The following DLG2 variants were observed in gnomAD, a reference collection of about 807,000 sequenced individuals.
The protein encoded by DLG2 is discs large MAGUK scaffold protein 2, also known as disks large homolog 2.
In DLG2, 45 loss-of-function variants were observed where a neutral mutation model predicts 132.5. The observed-to-expected ratio is 0.34, with a 90% CI of 0.27 to 0.44. DLG2 has a LOEUF of 0.44. Ranked by LOEUF, DLG2 falls within the 20% of genes least tolerant of loss-of-function variation. DLG2 has a pLI of 1.00. For missense variants in DLG2, 1,045 were observed against 1,196.9 expected (o/e 0.87, Z 1.87); for synonymous variants, 424 against 419.6 (o/e 1.01, Z -0.13).
intron 6 of DLG2, among the ~76,000 whole-genome samples, chr11:84,940,276 G>A (rs556707842): frequency 6.6e-6 from 1 of 152,096 alleles, no homozygotes; most frequent in Non-Finnish European, 1.5e-5. Flanking sequence ...TCAGCCTCCT[G>A]AGTAGCTGGG....
chr11:85,084,142 A>G (rs2067597406), intron 6 of DLG2, among the ~76,000 whole-genome samples: 1 of 152,218 alleles, frequency 6.6e-6, no homozygotes, highest in Non-Finnish European at 1.5e-5. Flanking sequence ...TTTTTAAAAT[A>G]AAAGATATTC....
intron 6 of DLG2, among the ~76,000 whole-genome samples, chr11:84,541,016 G>A (rs1180255900): frequency 2.0e-5 from 3 of 152,050 alleles, no homozygotes; most frequent in Non-Finnish European, 4.4e-5. Flanking sequence ...ACAGGGTGGG[G>A]AACATCACAC....
At chr11:84,879,630 T>C (rs984132979) in intron 6 of DLG2, among the ~76,000 whole-genome samples, 2 of 152,052 alleles carry the variant, frequency 1.3e-5, no homozygotes, top group African/African-American at 2.4e-5. Context: ...TGGAGGTCTG[T>C]TGGTATGAAG....
At chr11:84,215,915 G>C (rs530806183) in intron 8 of DLG2, among the ~76,000 whole-genome samples, 4 of 152,112 alleles carry the variant, frequency 2.6e-5, no homozygotes, top group African/African-American at 9.7e-5. Flanking sequence ...CAGAAGTAGT[G>C]GTTTTGGAAA....
chr11:85,198,850 G>A (rs1201292636), intron 4 of DLG2, among the ~76,000 whole-genome samples: 1 of 152,080 alleles, frequency 6.6e-6, no homozygotes, highest in Non-Finnish European at 1.5e-5. Context: ...GATGGATCCA[G>A]TGGAACTTTT....
chr11:84,826,214 CTT>C (rs2078311885), intron 6 of DLG2, among the ~76,000 whole-genome samples: 1 of 151,914 alleles, frequency 6.6e-6, no homozygotes, highest in South Asian at 2.1e-4. Flanking sequence ...CAATTACACT[CTT>C]TCAGTTATTT....
intron 6 of DLG2, among the ~76,000 whole-genome samples, chr11:84,913,492 T>C (rs1263065194): frequency 6.6e-6 from 1 of 152,200 alleles, no homozygotes; most frequent in East Asian, 1.9e-4. Flanking sequence ...CCTGTATTTA[T>C]TTACTTTTCA....
intron 18 of DLG2, among the ~76,000 whole-genome samples, chr11:83,703,641 C>G (rs2083365662): frequency 6.6e-6 from 1 of 152,114 alleles, no homozygotes; most frequent in Admixed American, 6.6e-5. Flanking sequence ...AAGAGTGAAA[C>G]TCTGTCTCAA....
intron 6 of DLG2, among the ~76,000 whole-genome samples, chr11:85,106,386 G>T (rs2071758938): frequency 6.6e-6 from 1 of 151,924 alleles, no homozygotes; most frequent in Non-Finnish European, 1.5e-5. Flanking sequence ...AGAACAAAAA[G>T]TTTCTTTTTC....
intron 6 of DLG2, among the ~76,000 whole-genome samples, chr11:84,599,279 T>C (rs1306233571): frequency 1.3e-5 from 2 of 152,122 alleles, no homozygotes; most frequent in African/African-American, 4.8e-5. Context: ...AAATCAGATC[T>C]CAGGACATTA....
At chr11:83,782,775 G>A (rs942007505) in intron 18 of DLG2, among the ~76,000 whole-genome samples, 9 of 152,094 alleles carry the variant, frequency 5.9e-5, no homozygotes, top group African/African-American at 2.2e-4. Flanking sequence ...TGAAAGACAA[G>A]GAGTTAGTGC....
intron 18 of DLG2, among the ~76,000 whole-genome samples, chr11:83,760,825 C>T (rs1007120088): frequency 6.6e-6 from 1 of 152,202 alleles, no homozygotes; most frequent in African/African-American, 2.4e-5. Flanking sequence ...ACTGTAGCAG[C>T]TTACTAACTC....
At chr11:84,086,268 G>GA (rs1330232110) in intron 10 of DLG2, among the ~76,000 whole-genome samples, 2 of 151,872 alleles carry the variant, frequency 1.3e-5, no homozygotes, top group African/African-American at 2.4e-5. Flanking sequence ...CTGAAACTAG[G>GA]AAAAAAATTT....
intron 7 of DLG2, among the ~76,000 whole-genome samples, chr11:84,415,987 A>G (rs1446749027): frequency 2.0e-5 from 3 of 152,104 alleles, no homozygotes; most frequent in African/African-American, 7.2e-5. Flanking sequence ...AATTTTAATT[A>G]CTATTTTGGG....
chr11:84,521,405 A>G lies in DLG2; in HGVS notation c.519+13165T>C, dbSNP rs143376587. 3.9e-3 allele frequency among the ~76,000 whole-genome samples: 592 copies of G among 152,320 alleles called. 3 individuals carry two copies. Among genetic ancestry groups the G allele is most frequent in the Non-Finnish European group, 6.1e-3 (417 of 68,012 alleles). Reference sequence around the variant, plus strand: ...CAAGACCCGGATTCCTGTCTCAGCTATAGTGTTAGCTAGGTGGCTGCCTTG... The same window carrying G: ...CAAGACCCGGATTCCTGTCTCAGCTGTAGTGTTAGCTAGGTGGCTGCCTTG... On this transcript the variant is annotated intron_variant, in intron 7 of 27. Coordinates refer to ENST00000376104, the MANE Select transcript of DLG2 (RefSeq NM_001142699.3).
At chr11:85,390,024 T>C (rs1311359010) in intron 3 of DLG2, among the ~76,000 whole-genome samples, 1 of 152,108 alleles carries the variant, frequency 6.6e-6, no homozygotes, top group Non-Finnish European at 1.5e-5. Flanking sequence ...TAACACTGAA[T>C]GTAAATGGCC....
intron 6 of DLG2, among the ~76,000 whole-genome samples, chr11:84,973,684 A>G (rs2054440241): frequency 6.6e-6 from 1 of 152,188 alleles, no homozygotes. Flanking sequence ...TGGGATCAGA[A>G]AACTTTTCTA....
intron 3 of DLG2, among the ~76,000 whole-genome samples, chr11:85,547,219 T>C (rs2076393690): frequency 6.6e-6 from 1 of 152,194 alleles, no homozygotes; most frequent in Non-Finnish European, 1.5e-5. Context: ...CACTTGCTTG[T>C]CTATAAAGGG....
chr11:84,407,620 A>C (rs2098862468), intron 7 of DLG2, among the ~76,000 whole-genome samples: 1 of 152,176 alleles, frequency 6.6e-6, no homozygotes. Context: ...TTTAATGAAA[A>C]AAAGAGGGCC....
Sources: gnomAD v4.1 joint callset for allele counts (sites outside exome capture counted in the v4.1 genomes callset) on GRCh38, gnomAD v4.1.1 for gene constraint, MANE v1.5 for transcripts, NCBI Gene and HGNC (gene_info 2026-07-23, HGNC 2026-07-21) for gene names.